Variants in CNTN5 observed in about 807,000 individuals in gnomAD.
CNTN5 encodes the protein contactin 5, also known as contactin-5.
In CNTN5, 77 loss-of-function variants were observed where a neutral mutation model predicts 129.1. The observed-to-expected ratio is 0.60, with a 90% confidence interval of 0.50 to 0.72. CNTN5 has a LOEUF of 0.72. Among genes scored for constraint, CNTN5 ranks in the 30% least tolerant of loss-of-function variants. CNTN5 has a pLI of 0.00. For missense variants in CNTN5, 1,478 were observed against 1,328.8 expected, an observed-to-expected ratio of 1.11 and a Z score of -1.75; for synonymous variants, 509 against 465.6, an observed-to-expected ratio of 1.09 and a Z score of -1.20.
chr11:100,173,477 TGAC>T (rs759938270), intron 13 of CNTN5, among the ~76,000 whole-genome samples: 21 of 152,194 alleles, frequency 1.4e-4, no homozygotes, highest in Admixed American at 2.6e-4. Context: ...TAGAGAGAGA[TGAC>T]AAGACAGAGC....
At chr11:99,468,007 C>G (rs1945013415) in intron 2 of CNTN5, among the ~76,000 whole-genome samples, 1 of 151,948 alleles carries the variant, frequency 6.6e-6, no homozygotes, top group Non-Finnish European at 1.5e-5. Flanking sequence ...AAATAATGTG[C>G]CATGCATGCT....
At chr11:99,553,154 G>A (rs1948551002) in intron 2 of CNTN5, among the ~76,000 whole-genome samples, 1 of 152,154 alleles carries the variant, frequency 6.6e-6, no homozygotes, top group African/African-American at 2.4e-5. Context: ...ATAGTTGACA[G>A]AAAGTACATA....
At chr11:100,130,183 C>T (rs891269443) in intron 13 of CNTN5, among the ~76,000 whole-genome samples, 7 of 152,130 alleles carry the variant, frequency 4.6e-5, no homozygotes, top group African/African-American at 1.7e-4. Flanking sequence ...AAAGGTAAAA[C>T]TTAAAATTCA....
At position 99,133,739 on chromosome 11, in the gene CNTN5, T is replaced by A. The variant is rs370751430; in HGVS notation, c.-210+112469T>A. Among the ~76,000 whole-genome samples, 3 of 152,076 alleles carry A rather than the reference T, an allele frequency of 2.0e-5. No homozygotes were observed. The South Asian group carries it at 6.2e-4, about 32-fold the overall frequency. On this transcript the variant is annotated intron_variant, in intron 1 of 24. Coordinates refer to ENST00000524871, the MANE Select transcript of CNTN5 (RefSeq NM_014361.4). Reference sequence around the variant, plus strand: ...CTCACACCAGTCAGAATGGCGATTATTAAAAAGTCAAGAAACAACAGATGC... The same window carrying A: ...CTCACACCAGTCAGAATGGCGATTAATAAAAAGTCAAGAAACAACAGATGC...
At chr11:99,697,368 A>G (rs1466827941) in intron 3 of CNTN5, among the ~76,000 whole-genome samples, 1 of 151,736 alleles carries the variant, frequency 6.6e-6, no homozygotes, top group Non-Finnish European at 1.5e-5. Context: ...CAAGGTCATC[A>G]TCAACAGTGA....
intron 13 of CNTN5, among the ~76,000 whole-genome samples, chr11:100,126,983 G>A (rs1339503715): frequency 6.6e-6 from 1 of 151,466 alleles, no homozygotes; most frequent in African/African-American, 2.4e-5. Flanking sequence ...GCAGTGGCAT[G>A]ATCATAGGTT....
intron 2 of CNTN5, among the ~76,000 whole-genome samples, chr11:99,542,758 G>T (rs1193684696): frequency 6.6e-6 from 1 of 152,156 alleles, no homozygotes; most frequent in Admixed American, 6.5e-5. Flanking sequence ...TCTCTCATTA[G>T]GCAGAAATGG....
chr11:99,593,778 G>A (rs893966762), intron 3 of CNTN5, among the ~76,000 whole-genome samples: 7 of 151,978 alleles, frequency 4.6e-5, no homozygotes, highest in African/African-American at 1.7e-4. Flanking sequence ...GAGGATCTAG[G>A]CCAGAATGTG....
At chr11:100,273,398 TAC>T (rs1332170605) in intron 18 of CNTN5, among the ~76,000 whole-genome samples, 2 of 152,060 alleles carry the variant, frequency 1.3e-5, no homozygotes, top group Admixed American at 6.6e-5. Context: ...CGCCTGGTAG[TAC>T]AGTCTGCTCC....
At chr11:99,493,875 A>G (rs1045584329) in intron 2 of CNTN5, among the ~76,000 whole-genome samples, 3 of 144,558 alleles carry the variant, frequency 2.1e-5, no homozygotes, top group Non-Finnish European at 4.7e-5. Context: ...TTTTACCAAG[A>G]TTTACTAAAG....
At chr11:99,750,060 C>T (rs78346483) in intron 3 of CNTN5, among the ~76,000 whole-genome samples, 4,430 of 152,158 alleles carry the variant, frequency 0.029, 177 homozygotes, top group African/African-American at 0.085. Context: ...AATGTTGGCT[C>T]GTCTGTGGAT....
intron 2 of CNTN5, among the ~76,000 whole-genome samples, chr11:99,464,017 G>C (rs1944838862): frequency 6.6e-6 from 1 of 152,174 alleles, no homozygotes; most frequent in South Asian, 2.1e-4. Context: ...GATGATCATA[G>C]TGAATTTTTG....
intron 1 of CNTN5, among the ~76,000 whole-genome samples, chr11:99,203,501 A>G (rs537126430): frequency 0.022 from 2,464 of 109,602 alleles, 27 homozygotes; most frequent in Middle Eastern, 0.051. Flanking sequence ...AAAAACACTT[A>G]CAGTAAATCC....
chr11:99,578,732 C>G (rs1275392022), intron 3 of CNTN5, among the ~76,000 whole-genome samples: 1 of 151,724 alleles, frequency 6.6e-6, no homozygotes, highest in East Asian at 1.9e-4. Flanking sequence ...GATATTAGCC[C>G]TTTGTCAGAT....
At chr11:99,960,430 A>G (rs1190656124) in intron 8 of CNTN5, among the ~76,000 whole-genome samples, 4 of 151,858 alleles carry the variant, frequency 2.6e-5, no homozygotes, top group African/African-American at 9.7e-5. Flanking sequence ...ACTTCTTCTT[A>G]GACTAACTCT....
intron 2 of CNTN5, among the ~76,000 whole-genome samples, chr11:99,454,643 A>G (rs1473646964): frequency 1.3e-5 from 2 of 152,108 alleles, no homozygotes; most frequent in Non-Finnish European, 2.9e-5. Context: ...CTGAACTGTG[A>G]GTCAATTAAA....
intron 1 of CNTN5, among the ~76,000 whole-genome samples, chr11:99,204,593 A>G (rs1278981263): frequency 1.3e-5 from 2 of 152,200 alleles, no homozygotes; most frequent in African/African-American, 4.8e-5. Flanking sequence ...GCTTCTGGCC[A>G]TGACAAAAGT....
chr11:99,265,131 T>TA lies in CNTN5; in HGVS notation c.-209-60206dup, dbSNP rs1041968464. Among the ~76,000 whole-genome samples, 27 of 150,720 alleles carry TA rather than the reference T, an allele frequency of 1.8e-4. No homozygotes were observed. The East Asian group carries it at 2.1e-3, about 12-fold the overall frequency. On this transcript the variant is annotated intron_variant, in intron 1 of 24. Transcript: ENST00000524871. ...CTAACTTTGCTCTTTCCAAAAGAATTAAAAAAAAATAGTAACTTGAAAAGG... is the reference window on the plus strand; with the variant it reads ...CTAACTTTGCTCTTTCCAAAAGAATTAAAAAAAAAATAGTAACTTGAAAAGG...
At chr11:100,019,458 G>A (rs1941011954) in intron 9 of CNTN5, among the ~76,000 whole-genome samples, 2 of 151,850 alleles carry the variant, frequency 1.3e-5, no homozygotes, top group South Asian at 4.1e-4. Flanking sequence ...GCGTTTCTAT[G>A]TCTGGCTTAT....
Sources: gnomAD v4.1 joint callset for allele counts (sites outside exome capture counted in the v4.1 genomes callset) on GRCh38, gnomAD v4.1.1 for gene constraint, MANE v1.5 for transcripts, NCBI Gene and HGNC (gene_info 2026-07-23, HGNC 2026-07-21) for gene names.